RYR3: variants seen among roughly 807,000 people sequenced by gnomAD.
RYR3 encodes brain ryanodine receptor-calcium release channel.
In RYR3, 207 loss-of-function variants were observed where a neutral mutation model predicts 584.3. The observed-to-expected ratio is 0.35, with a 90% CI of 0.32 to 0.40. RYR3 has a LOEUF of 0.40. RYR3 is among the 10% of genes least tolerant of loss of function. RYR3 has a pLI of 1.00. For missense variants in RYR3, 5,616 were observed against 6,089.2 expected (o/e 0.92, Z 2.59); for synonymous variants, 2,416 against 2,248.5 (o/e 1.07, Z -2.11).
At chr15:33,460,339 C>G (rs534548996) in intron 1 of RYR3, among the ~76,000 whole-genome samples, 1 of 152,356 alleles carries the variant, frequency 6.6e-6, no homozygotes, top group South Asian at 2.1e-4. Context: ...ACTAGTATCA[C>G]TAAGTGGGAG....
intron 10 of RYR3, among the ~76,000 whole-genome samples, chr15:33,554,893 T>C (rs1452953910): frequency 2.0e-5 from 3 of 152,148 alleles, no homozygotes; most frequent in Non-Finnish European, 4.4e-5. Flanking sequence ...GAAGGGTGAA[T>C]TAATAATGTT....
chr15:33,637,250 C>T (rs922579095), intron 27 of RYR3, among the ~76,000 whole-genome samples: 11 of 151,950 alleles, frequency 7.2e-5, no homozygotes, highest in African/African-American at 2.4e-4. Context: ...CTAACAAGCT[C>T]ATTGGCTCCC....
At chr15:33,353,482 A>G (rs1380416527) in intron 1 of RYR3, among the ~76,000 whole-genome samples, 1 of 152,176 alleles carries the variant, frequency 6.6e-6, no homozygotes, top group African/African-American at 2.4e-5. Context: ...TTTGGGAGGT[A>G]AAGCTAACCA....
chr15:33,546,246 G>A (rs2056227776), intron 8 of RYR3, among the ~76,000 whole-genome samples: 1 of 152,142 alleles, frequency 6.6e-6, no homozygotes. Context: ...TGTTTCACCT[G>A]TGACCTGGGT....
Position 33,671,805 on chromosome 15 carries a change from C to CTTTTT in RYR3, c.5860+1269_5860+1273dup, listed in dbSNP as rs56206846. Among the ~76,000 whole-genome samples, 337 of 79,880 alleles carry CTTTTT rather than the reference C, an allele frequency of 4.2e-3. 3 individuals are homozygous for CTTTTT. The highest frequency in any genetic ancestry group is 5.3e-3 in the Non-Finnish European group (228 of 43,178). 52.4% of individuals were successfully genotyped at this position (79,880 alleles called of 152,430 possible). On this transcript the variant is annotated intron_variant, in intron 38 of 103. Transcript: ENST00000634891. ...GTTGCTTCTTTCCCACCTTCTTTTT[C>CTTTTT]TTTTTTTTTTTTTTTTTTTTTTTTC...
intron 43 of RYR3, among the ~76,000 whole-genome samples, chr15:33,710,819 C>T (rs2067056093): frequency 6.6e-6 from 1 of 152,214 alleles, no homozygotes; most frequent in Non-Finnish European, 1.5e-5. Flanking sequence ...TAGCTGGGCC[C>T]ATTTGAGCCA....
intron 10 of RYR3, among the ~76,000 whole-genome samples, chr15:33,555,643 G>A (rs891427327): frequency 6.6e-6 from 1 of 152,180 alleles, no homozygotes; most frequent in African/African-American, 2.4e-5. Flanking sequence ...TGTCTTGAAT[G>A]ATAGCTGTGA....
At chr15:33,615,380 G>T (rs1405451869) in intron 19 of RYR3, among the ~76,000 whole-genome samples, 2 of 152,122 alleles carry the variant, frequency 1.3e-5, no homozygotes, top group African/African-American at 4.8e-5. Flanking sequence ...GTAGGATTTT[G>T]GTTCTGTTTC....
intron 1 of RYR3, among the ~76,000 whole-genome samples, chr15:33,360,998 A>C (rs1974692221): frequency 6.6e-6 from 1 of 152,216 alleles, no homozygotes; most frequent in African/African-American, 2.4e-5. Context: ...ACCGAGCAGT[A>C]ATGGCTGTAT....
At chr15:33,570,000 A>G (rs1249259540) in intron 12 of RYR3, among the ~76,000 whole-genome samples, 3 of 151,980 alleles carry the variant, frequency 2.0e-5, no homozygotes, top group African/African-American at 7.2e-5. Context: ...CATATTTATG[A>G]TTTGCAAATA....
At chr15:33,330,607 AATTAGAGT>A (rs1970267049) in intron 1 of RYR3, among the ~76,000 whole-genome samples, 1 of 152,118 alleles carries the variant, frequency 6.6e-6, no homozygotes, top group Admixed American at 6.5e-5. Flanking sequence ...AGTTGATTTG[AATTAGAGT>A]ATTAAAGATT....
At chr15:33,705,177 A>G (rs972123967) in intron 42 of RYR3, among the ~76,000 whole-genome samples, 2 of 149,918 alleles carry the variant, frequency 1.3e-5, no homozygotes, top group African/African-American at 2.5e-5. Context: ...CTGCACCTGC[A>G]ATCTTGAAAA....
At chr15:33,822,490 C>A (rs1264266773) in intron 80 of RYR3, among the ~76,000 whole-genome samples, 1 of 152,178 alleles carries the variant, frequency 6.6e-6, no homozygotes, top group African/African-American at 2.4e-5. Context: ...TTTCTGTTCC[C>A]TTCTACCACC....
Position 33,645,480 on chromosome 15 carries a change from A to G in RYR3, c.3766-871A>G, listed in dbSNP as rs1595952601. Among the ~76,000 whole-genome samples, 3 of 152,288 alleles carry G rather than the reference A, an allele frequency of 2.0e-5. No individual in the cohort carries two copies. The South Asian group carries it at 6.2e-4, about 32-fold the overall frequency. Reference sequence around the variant, plus strand: ...ACCTTAATGCCCCACTTTCTTCCTCAGTTAAATAGTAGAGACTTTTCTCTC... The same window carrying G: ...ACCTTAATGCCCCACTTTCTTCCTCGGTTAAATAGTAGAGACTTTTCTCTC... On this transcript the variant is annotated intron_variant, in intron 28 of 103. Transcript: ENST00000634891.
In RYR3 at chr15:33,603,194, T is replaced by C. The variant is rs780056230; in HGVS notation, c.1994T>C (p.Ile665Thr). The C allele has an allele frequency of 1.8e-5, 29 of 1,613,804 alleles. No individual in the cohort carries two copies. The Admixed American group carries it at 2.3e-4, about 13-fold the overall frequency. Residue 665 changes from isoleucine to threonine, a missense_variant, in exon 18 of 104, where the codon ATT becomes ACT. Ile to Thr is a moderately conservative substitution (Grantham distance 89). Around this residue, in one of 9 missense-constraint regions of RYR3, gnomAD observed 1,284 missense variants for 1,344.6 expected, o/e 0.95. Transcript: ENST00000634891. The part of the protein sequence containing the change: ...AQYKKWYFEL[I>T]IDQVDPFLTA... Reference sequence around the variant, plus strand: ...TACAAGAAGTGGTACTTCGAGCTGATTATCGACCAGGTGGACCCCTTCCTA... The same window carrying C: ...TACAAGAAGTGGTACTTCGAGCTGACTATCGACCAGGTGGACCCCTTCCTA...
Position 33,568,646 on chromosome 15 carries a change from G to C in RYR3, c.1268+1847G>C, listed in dbSNP as rs912057871. Among the ~76,000 whole-genome samples the C allele has an allele frequency of 2.6e-5, 4 of 152,108 alleles. No homozygotes were observed. The South Asian group carries it at 8.3e-4, about 32-fold the overall frequency. ...GGGCCTCACTGTGTTGCCCAGGCTG[G>C]TCTCAAATTGCTGGGCACAAGTGAT... On this transcript the variant is annotated intron_variant, in intron 12 of 103. Transcript: ENST00000634891.
At chr15:33,694,299 C>T (rs1314710098) in intron 38 of RYR3, among the ~76,000 whole-genome samples, 1 of 151,026 alleles carries the variant, frequency 6.6e-6, no homozygotes, top group Non-Finnish European at 1.5e-5. Context: ...AGCTGGAGTG[C>T]AGTGGTGCAA....
intron 43 of RYR3, among the ~76,000 whole-genome samples, chr15:33,708,989 G>A (rs1431310219): frequency 6.6e-6 from 1 of 152,178 alleles, no homozygotes; most frequent in East Asian, 1.9e-4. Flanking sequence ...ATAAGTCAGG[G>A]TGGAGCAGGT....
At chr15:33,808,768 C>T (rs1318042911) in intron 70 of RYR3, among the ~76,000 whole-genome samples, 2 of 152,158 alleles carry the variant, frequency 1.3e-5, no homozygotes, top group African/African-American at 2.4e-5. Flanking sequence ...CTTTCCCTTC[C>T]TGCTGTTTTC....
Sources: gnomAD v4.1 joint callset for allele counts (sites outside exome capture counted in the v4.1 genomes callset) on GRCh38, gnomAD v4.1.1 for gene constraint, gnomAD v4.1.1 regional missense constraint, MANE v1.5 for transcripts, NCBI Gene and HGNC (gene_info 2026-07-23, HGNC 2026-07-21) for gene names.